The following DMD variants were observed in gnomAD, a reference collection of about 807,000 sequenced individuals.
The protein encoded by DMD is dystrophin.
In DMD, 63 loss-of-function variants were observed where a neutral mutation model predicts 330.1. The observed-to-expected ratio is 0.19, with a 90% confidence interval of 0.16 to 0.24. The LOEUF is 0.24. DMD is among the 10% of genes least tolerant of loss of function. DMD has a pLI of 1.00. For missense variants in DMD, 3,344 were observed against 2,684.1 expected, an observed-to-expected ratio of 1.25 and a Z score of -5.43; for synonymous variants, 1,223 against 959.8, an observed-to-expected ratio of 1.27 and a Z score of -5.07.
At chrX:32,614,192 CTTTAAGT>C (rs1187538126) in intron 12 of DMD, 104 bp downstream of exon 12, 6 of 813,552 alleles carry the variant, frequency 7.4e-6, no homozygotes, top group Non-Finnish European at 1.0e-5. Context: ...ATATGGCTGA[CTTTAAGT>C]TTTAATTCTC....
At chrX:32,823,459 A>G (rs989486142) in intron 4 of DMD, 72 bp from the exon 5 acceptor site, 1 of 720,071 alleles carries the variant, frequency 1.4e-6, no homozygotes, top group Non-Finnish European at 2.2e-6. Flanking sequence ...ATAATAATAA[A>G]AACGTGAAGG....
intron 55 of DMD, among the ~76,000 whole-genome samples, chrX:31,625,893 T>A (rs2078811369): frequency 2.7e-5 from 3 of 112,117 alleles, no homozygotes; most frequent in Admixed American, 1.9e-4. Flanking sequence ...TTCAAAGTAA[T>A]CTGCTAAAAA....
intron 9 of DMD, among the ~76,000 whole-genome samples, chrX:32,652,721 T>C (rs1378931072): frequency 9.0e-6 from 1 of 111,585 alleles, no homozygotes; most frequent in African/African-American, 3.3e-5. Context: ...TAGTTCTAGA[T>C]CCTTGAGGAA....
chrX:31,830,927 C>G (rs1457795915), intron 49 of DMD, among the ~76,000 whole-genome samples: 1 of 112,038 alleles, frequency 8.9e-6, no homozygotes, highest in Non-Finnish European at 1.9e-5. Context: ...GTGTCTAGCC[C>G]TACTTTAATC....
intron 5 of DMD, among the ~76,000 whole-genome samples, chrX:32,821,676 A>G (rs1444356335): frequency 1.8e-5 from 2 of 111,771 alleles, no homozygotes; most frequent in Non-Finnish European, 3.8e-5. Context: ...ATAGGGCTGG[A>G]TCTGAACTAT....
At chrX:32,536,662 A>G (rs16990433) in intron 17 of DMD, among the ~76,000 whole-genome samples, 1,349 of 112,256 alleles carry the variant, frequency 0.012, 21 homozygotes, top group African/African-American at 0.042. Flanking sequence ...TGACAAAGGA[A>G]GGAGTACATT....
At chrX:31,256,390 CTTTG>C (rs1051351054) in intron 63 of DMD, among the ~76,000 whole-genome samples, 1 of 111,417 alleles carries the variant, frequency 9.0e-6, no homozygotes, top group Non-Finnish European at 1.9e-5. Context: ...CTATGTCTTG[CTTTG>C]TTTGTGTAGG....
chrX:33,254,029 A>G (rs1396570894), intron 1 of DMD, among the ~76,000 whole-genome samples: 1 of 111,108 alleles, frequency 9.0e-6, no homozygotes, highest in East Asian at 2.8e-4. Flanking sequence ...ATTTCTATAT[A>G]TAAGTACATA....
chrX:33,137,341 T>G (rs2148567685), intron 1 of DMD, among the ~76,000 whole-genome samples: 1 of 111,837 alleles, frequency 8.9e-6, no homozygotes, highest in South Asian at 3.7e-4. Flanking sequence ...AATGTTCTCT[T>G]TTTATAGTGG....
At chrX:33,307,785 C>G (rs1400827384) in intron 1 of DMD, among the ~76,000 whole-genome samples, 1 of 111,222 alleles carries the variant, frequency 9.0e-6, no homozygotes, top group African/African-American at 3.3e-5. Context: ...GTAAGCAGCG[C>G]CTCTATTGTT....
intron 60 of DMD, among the ~76,000 whole-genome samples, chrX:31,416,195 T>C (rs996607936): frequency 8.9e-6 from 1 of 112,063 alleles, no homozygotes; most frequent in Admixed American, 9.5e-5. Flanking sequence ...CTTCATCTTA[T>C]GAAAAAGGCC....
intron 29 of DMD, among the ~76,000 whole-genome samples, chrX:32,416,400 T>C (rs974942115): frequency 8.9e-6 from 1 of 112,042 alleles, no homozygotes; most frequent in Non-Finnish European, 1.9e-5. Flanking sequence ...CTCATCATTG[T>C]ATTCATCATT....
At chrX:32,680,102 C>T (rs1408375026) in intron 9 of DMD, among the ~76,000 whole-genome samples, 2 of 106,537 alleles carry the variant, frequency 1.9e-5, no homozygotes, top group African/African-American at 6.9e-5. Flanking sequence ...TTACTTGAGA[C>T]GGGGCTTCAC....
intron 5 of DMD, among the ~76,000 whole-genome samples, chrX:32,819,335 C>CAT (rs2038121151): frequency 9.0e-6 from 1 of 110,625 alleles, no homozygotes; most frequent in African/African-American, 3.3e-5. Flanking sequence ...TTAGCGTTGC[C>CAT]ATTAAGTACA....
rs192463308 is a variant in DMD at position 31,492,901 on chromosome X, G to A, written c.8547+3887C>T. On this transcript the variant is annotated intron_variant, in intron 57 of 78. Transcript: ENST00000357033. ...GGGGTGGGGGGCTAGGGGAGGGATA[G>A]CATTAGGAGAAATACCTAATGTAGA... Among the ~76,000 whole-genome samples, 645 of 110,370 alleles carry A rather than the reference G, an allele frequency of 5.8e-3. 5 individuals carry two copies. Among genetic ancestry groups the A allele is most frequent in the African/African-American group, 0.021 (622 of 30,289 alleles).
intron 59 of DMD, among the ~76,000 whole-genome samples, chrX:31,448,525 A>G (rs1418754260): frequency 8.9e-6 from 1 of 112,377 alleles, no homozygotes; most frequent in Non-Finnish European, 1.9e-5. Context: ...TTCACAGATT[A>G]GAGCTTTTAA....
intron 50 of DMD, among the ~76,000 whole-genome samples, chrX:31,791,985 T>C (rs2091593385): frequency 8.9e-6 from 1 of 112,199 alleles, no homozygotes; most frequent in South Asian, 3.6e-4. Flanking sequence ...TATAATTTAG[T>C]AGATGTTTAA....
In DMD at chrX:31,823,357, T is replaced by C. The variant is rs542775617; in HGVS notation, c.7201-3274A>G. Among the ~76,000 whole-genome samples the C allele has an allele frequency of 1.7e-4, 19 of 112,419 alleles. No individual in the cohort carries two copies. The South Asian group carries it at 7.0e-3, about 41-fold the overall frequency. ...TATGCCTTGTACGATGTTTTCTTTA[T>C]ATCCAGTCTAGTGCTTCCTAATAAG... On this transcript the variant is annotated intron_variant, in intron 49 of 78. Coordinates refer to ENST00000357033, the MANE Select transcript of DMD (RefSeq NM_004006.3).
chrX:32,782,898 CATAT>C (rs763667436), intron 7 of DMD, among the ~76,000 whole-genome samples: 1 of 105,316 alleles, frequency 9.5e-6, no homozygotes, highest in African/African-American at 3.4e-5. Context: ...TACATATACA[CATAT>C]ATATCATATA....
Sources: gnomAD v4.1 joint callset for allele counts (sites outside exome capture counted in the v4.1 genomes callset) on GRCh38, gnomAD v4.1.1 for gene constraint, MANE v1.5 for transcripts, NCBI Gene and HGNC (gene_info 2026-07-23, HGNC 2026-07-21) for gene names.